SEMA3A: variants seen among roughly 807,000 people sequenced by gnomAD.
SEMA3A encodes semaphorin-3A.
In SEMA3A, 29 loss-of-function variants were observed where a neutral mutation model predicts 97.9. The ratio of observed to expected loss-of-function variants is 0.30; its 90% CI spans 0.22 to 0.40. The LOEUF (loss-of-function observed/expected upper bound fraction) is 0.40. SEMA3A is among the 10% of genes least tolerant of loss of function. The probability of loss-of-function intolerance (pLI) is 1.00; values close to 1 mark genes in which losing one functional copy is unlikely to be tolerated. For synonymous variants in SEMA3A, 321 were observed against 323.7 expected (o/e 0.99, Z 0.09); for missense variants, 763 against 951.3 (o/e 0.80, Z 2.60).
At chr7:84,255,952 T>C (rs916307610) in intron 3 of SEMA3A, among the ~76,000 whole-genome samples, 1 of 150,446 alleles carries the variant, frequency 6.6e-6, no homozygotes, top group Non-Finnish European at 1.5e-5. Context: ...AGATTTATAA[T>C]CCTTTCCCCA....
chr7:84,490,739 C>T (rs925991367), intron 1 of SEMA3A, among the ~76,000 whole-genome samples: 4 of 152,096 alleles, frequency 2.6e-5, no homozygotes, highest in African/African-American at 4.8e-5. Flanking sequence ...AATCTAAATG[C>T]CATGCTGAAG....
chr7:84,007,902 G>A (rs541774033), intron 9 of SEMA3A, among the ~76,000 whole-genome samples: 1 of 152,264 alleles, frequency 6.6e-6, no homozygotes, highest in Non-Finnish European at 1.5e-5. Context: ...AAATTAGCAA[G>A]AATGTTTAAG....
intron 3 of SEMA3A, among the ~76,000 whole-genome samples, chr7:84,275,904 ATTAAT>A (rs1181489612): frequency 6.6e-6 from 1 of 152,110 alleles, no homozygotes; most frequent in East Asian, 1.9e-4. Context: ...ATATAGATAC[ATTAAT>A]TTAAATATGA....
chr7:84,069,050 A>G (rs1793647156), intron 4 of SEMA3A, among the ~76,000 whole-genome samples: 2 of 152,150 alleles, frequency 1.3e-5, no homozygotes, highest in Non-Finnish European at 2.9e-5. Flanking sequence ...ACAATTCCAT[A>G]GAGAATAAAT....
chr7:84,249,990 GAA>G (rs2115606867), intron 3 of SEMA3A, among the ~76,000 whole-genome samples: 1 of 150,826 alleles, frequency 6.6e-6, no homozygotes, highest in African/African-American at 2.4e-5. Flanking sequence ...TCAAACGTAT[GAA>G]ATATTATTAC....
In SEMA3A at chr7:84,063,058, G is replaced by A. The variant is rs1278089161; in HGVS notation, c.454-2500C>T. ...AAGAGAGCAGTGGTTCTCCCAGCAC[G>A]CCGCTGGAGATCTGAGAACGGGCAG... is the stretch of plus-strand genomic sequence containing the variant. On this transcript the variant is annotated intron_variant, in intron 4 of 16. Coordinates refer to ENST00000265362, the MANE Select transcript of SEMA3A (RefSeq NM_006080.3). Among the ~76,000 whole-genome samples, 21 of 151,930 alleles carry A rather than the reference G, an allele frequency of 1.4e-4. No homozygotes were observed. The East Asian group carries it at 3.2e-3, about 23-fold the overall frequency.
chr7:84,161,004 G>C (rs1032362363), intron 1 of SEMA3A, among the ~76,000 whole-genome samples: 1 of 152,150 alleles, frequency 6.6e-6, no homozygotes, highest in Non-Finnish European at 1.5e-5. Flanking sequence ...AACAGGCATG[G>C]TCACCAGAAT....
At chr7:84,133,705 T>C (rs1796030299) in intron 2 of SEMA3A, among the ~76,000 whole-genome samples, 1 of 152,010 alleles carries the variant, frequency 6.6e-6, no homozygotes, top group African/African-American at 2.4e-5. Context: ...ATAGACTTAG[T>C]AGCACAATTT....
At chr7:84,491,311 AGACT>A (rs1806724582) in intron 1 of SEMA3A, among the ~76,000 whole-genome samples, 1 of 152,192 alleles carries the variant, frequency 6.6e-6, no homozygotes, top group African/African-American at 2.4e-5. Context: ...AATGTCTTCC[AGACT>A]AATTTTTCAA....
chr7:84,227,891 C>CTGTG lies in SEMA3A; in HGVS notation c.-82-33227_-82-33224dup, dbSNP rs771319459. On this transcript the variant is annotated intron_variant, in intron 3 of 3. Transcript: ENST00000424555. Reference sequence around the variant, plus strand: ...TAGATGATGTAAATGATGTAAGTCTCTGTGTGTGTGTGTGTGCGTGCGTGT... The same window carrying CTGTG: ...TAGATGATGTAAATGATGTAAGTCTCTGTGTGTGTGTGTGTGTGTGCGTGCGTGT... Among the ~76,000 whole-genome samples, 10 of 149,460 alleles carry CTGTG rather than the reference C, an allele frequency of 6.7e-5. No homozygotes were observed. In the East Asian group the frequency reaches 1.4e-3, roughly 21 times the overall value.
chr7:84,403,771 C>T (rs541752102), intron 1 of SEMA3A, among the ~76,000 whole-genome samples: 1 of 152,256 alleles, frequency 6.6e-6, no homozygotes, highest in South Asian at 2.1e-4. Context: ...ACTGCTGATA[C>T]CCAGGCAAAC....
intron 3 of SEMA3A, among the ~76,000 whole-genome samples, chr7:84,252,944 T>C (rs1562872664): frequency 6.6e-6 from 1 of 152,162 alleles, no homozygotes. Flanking sequence ...AGTGGCAAGA[T>C]ATCAGCTCAC....
chr7:84,105,686 TCTC>T (rs1402980409), intron 4 of SEMA3A, among the ~76,000 whole-genome samples: 1 of 152,110 alleles, frequency 6.6e-6, no homozygotes, highest in African/African-American at 2.4e-5. Flanking sequence ...AATCTGTACT[TCTC>T]CTAAATTCAT....
chr7:84,093,281 C>T (rs1183421890), intron 4 of SEMA3A, among the ~76,000 whole-genome samples: 1 of 152,146 alleles, frequency 6.6e-6, no homozygotes, highest in Non-Finnish European at 1.5e-5. Context: ...GATATATATC[C>T]TACTTCAGAC....
At chr7:84,230,832 CATT>C (rs1406702052) in intron 3 of SEMA3A, among the ~76,000 whole-genome samples, 1 of 151,824 alleles carries the variant, frequency 6.6e-6, no homozygotes, top group Non-Finnish European at 1.5e-5. Flanking sequence ...CTTTCTTTGT[CATT>C]ATTTTTAAAA....
intron 1 of SEMA3A, among the ~76,000 whole-genome samples, chr7:84,456,853 G>A (rs1805699871): frequency 6.6e-6 from 1 of 151,734 alleles, no homozygotes; most frequent in South Asian, 2.1e-4. Flanking sequence ...TAACCTTTGA[G>A]CAATTTTGTA....
At chr7:83,978,122 A>AAAAC (rs1325063327) in intron 14 of SEMA3A, among the ~76,000 whole-genome samples, 1 of 152,078 alleles carries the variant, frequency 6.6e-6, no homozygotes, top group Admixed American at 6.6e-5. Context: ...GTTCTTTTTT[A>AAAAC]AAACAGTTTA....
intron 3 of SEMA3A, among the ~76,000 whole-genome samples, chr7:84,240,760 AC>A (rs1168087052): frequency 6.6e-6 from 1 of 152,078 alleles, no homozygotes; most frequent in Non-Finnish European, 1.5e-5. Flanking sequence ...CCTCTAGCCC[AC>A]CACCGCCTGA....
chr7:84,447,202 T>C (rs531939734), intron 1 of SEMA3A, among the ~76,000 whole-genome samples: 1 of 152,194 alleles, frequency 6.6e-6, no homozygotes, highest in African/African-American at 2.4e-5. Flanking sequence ...CTGACGAGTA[T>C]GGGAGGCGCG....
Sources: gnomAD v4.1 joint callset for allele counts (sites outside exome capture counted in the v4.1 genomes callset) on GRCh38, gnomAD v4.1.1 for gene constraint, MANE v1.5 for transcripts, NCBI Gene and HGNC (gene_info 2026-07-23, HGNC 2026-07-21) for gene names.